The following GABRA1 variants were observed in gnomAD, a reference collection of about 807,000 sequenced individuals.
GABRA1 encodes the protein gamma-aminobutyric acid type A receptor subunit alpha1.
In GABRA1, 9 loss-of-function variants were observed where a neutral mutation model predicts 48.9. The ratio of observed to expected loss-of-function variants is 0.18; its 90% CI spans 0.11 to 0.32. The LOEUF is 0.32. Among genes scored for constraint, GABRA1 ranks in the 10% least tolerant of loss-of-function variants. The pLI is 1.00. For synonymous variants in GABRA1, 210 were observed against 198.7 expected, an observed-to-expected ratio of 1.06 and a Z score of -0.48; for missense variants, 285 against 553.8, an observed-to-expected ratio of 0.51 and a Z score of 4.87.
chr5:161,897,540 AT>A lies in GABRA1; in HGVS notation c.*122del. The A allele has an allele frequency of 9.9e-7, 1 of 1,012,918 alleles. No homozygotes were observed. Among genetic ancestry groups the A allele is most frequent in the Non-Finnish European group, 1.5e-6 (1 of 670,918 alleles). 62.7% of individuals were successfully genotyped at this position (1,012,918 alleles called of 1,614,324 possible). A position where few individuals can be genotyped will look rare whatever the true frequency, so the allele number is the denominator to read the frequency against. On this transcript the variant is annotated 3_prime_UTR_variant, in exon 10 of 10. Coordinates refer to ENST00000393943, the MANE Select transcript of GABRA1 (RefSeq NM_001127644.2). The stretch of plus-strand genomic sequence containing the variant: ...TCTTAAAGAATTTGAAAGTTTCCTT[AT>A]TTTCATAATTCATTTAAGAACAAGA...
intron 3 of GABRA1, among the ~76,000 whole-genome samples, chr5:161,859,233 T>A (rs1388456683): frequency 1.3e-5 from 2 of 151,812 alleles, no homozygotes; most frequent in East Asian, 3.9e-4. Context: ...AAATCATTTA[T>A]GCCTCAGAGC....
chr5:161,895,240 A>AC, intron 8 of GABRA1, among the ~76,000 whole-genome samples: 1 of 152,238 alleles, frequency 6.6e-6, no homozygotes, highest in African/African-American at 2.4e-5. Context: ...TGGTTTACAT[A>AC]TTTGGGGTAC....
intron 3 of GABRA1, among the ~76,000 whole-genome samples, chr5:161,855,151 A>G (rs1757602161): frequency 6.6e-6 from 1 of 151,632 alleles, no homozygotes; most frequent in Admixed American, 6.6e-5. Context: ...ATTTAATAGC[A>G]ATATTTAAAT....
rs527952081 is a variant in GABRA1 at position 161,851,697 on chromosome 5, G to T, written c.74+813G>T. On this transcript the variant is annotated intron_variant, in intron 2 of 9. Coordinates refer to ENST00000393943, the MANE Select transcript of GABRA1 (RefSeq NM_001127644.2). ...GGGAACTCTTAAGAGTTAAGATAGG[G>T]AGATGGAATAGTCTGGAAAGACATA... is the stretch of plus-strand genomic sequence containing the variant. 2.6e-5 allele frequency among the ~76,000 whole-genome samples: 4 copies of T among 151,556 alleles called. No individual in the cohort carries two copies. The East Asian group carries it at 7.7e-4, about 29-fold the overall frequency.
In GABRA1 at chr5:161,875,691, A is replaced by C. The variant is rs200878311; in HGVS notation, c.559+49A>C. 2.8e-5 allele frequency: 37 copies of C among 1,340,662 alleles called. No homozygotes were observed. In the African/African-American group the frequency reaches 5.0e-4, roughly 18 times the overall value. 83.0% of individuals were successfully genotyped at this position (1,340,662 alleles called of 1,614,324 possible). On this transcript the variant is annotated intron_variant, in intron 6 of 9. Coordinates refer to ENST00000393943, the MANE Select transcript of GABRA1 (RefSeq NM_001127644.2). ...TCTTGATTGTAAGTCATTAAGCAAG[A>C]GATCTCTAGCTATATCTGTGAGAAA...
intron 1 of GABRA1, 86 bp from the exon 2 acceptor site, chr5:161,850,710 C>T: frequency 9.4e-7 from 1 of 1,064,198 alleles, no homozygotes; most frequent in South Asian, 1.3e-5. Context: ...TCAAAGCATT[C>T]ATCTAAACTG....
At chr5:161,876,642 G>A (rs1001066711) in intron 6 of GABRA1, among the ~76,000 whole-genome samples, 4 of 152,112 alleles carry the variant, frequency 2.6e-5, no homozygotes, top group East Asian at 1.9e-4. Context: ...ACTGAAACTC[G>A]AAGATAAACT....
At chr5:161,892,641 T>C (rs546740129) in intron 8 of GABRA1, among the ~76,000 whole-genome samples, 1 of 152,122 alleles carries the variant, frequency 6.6e-6, no homozygotes, top group East Asian at 1.9e-4. Flanking sequence ...TATATCTGTA[T>C]GAGTATGCCT....
At chr5:161,869,488 C>G (rs904140354) in intron 4 of GABRA1, among the ~76,000 whole-genome samples, 1 of 152,164 alleles carries the variant, frequency 6.6e-6, no homozygotes, top group Non-Finnish European at 1.5e-5. Context: ...AATTCTCTAA[C>G]TTTATTTTAA....
chr5:161,889,930 G>A (rs956693790), intron 7 of GABRA1, among the ~76,000 whole-genome samples: 2 of 151,916 alleles, frequency 1.3e-5, no homozygotes, highest in Non-Finnish European at 1.5e-5. Flanking sequence ...TGGCAGAATC[G>A]CACATGTGAA....
chr5:161,895,395 A>G (rs929310171), intron 8 of GABRA1, among the ~76,000 whole-genome samples: 1 of 152,156 alleles, frequency 6.6e-6, no homozygotes, highest in African/African-American at 2.4e-5. Flanking sequence ...CAAAGCGCCA[A>G]TTTAAAGGAG....
chr5:161,866,073 C>T lies in GABRA1; in HGVS notation c.255+285C>T, dbSNP rs56873080. Among the ~76,000 whole-genome samples, 21,895 of 151,868 alleles carry T rather than the reference C, an allele frequency of 0.14. 1,861 individuals carry two copies. The highest frequency in any genetic ancestry group is 0.28 in the East Asian group (1,417 of 5,148). On this transcript the variant is annotated intron_variant, in intron 4 of 9. Transcript: ENST00000393943. ...TTGCCTTGGTTAATACCCCACAAGC[C>T]ATACAGTATGAGTTATGTTTCATTT... is the stretch of plus-strand genomic sequence containing the variant.
At chr5:161,896,129 G>C (rs1431553756) in intron 9 of GABRA1, among the ~76,000 whole-genome samples, 1 of 152,088 alleles carries the variant, frequency 6.6e-6, no homozygotes, top group Non-Finnish European at 1.5e-5. Context: ...GCTTTCCTGT[G>C]GTTTCTATTG....
At chr5:161,891,978 A>G (rs1293114851) in intron 8 of GABRA1, among the ~76,000 whole-genome samples, 1 of 152,242 alleles carries the variant, frequency 6.6e-6, no homozygotes, top group Non-Finnish European at 1.5e-5. Context: ...CATTTTTAAA[A>G]GTGAAATCTA....
Position 161,897,573 on chromosome 5 carries a change from T to C in GABRA1, c.*151T>C, listed in dbSNP as rs879166854. 3 of 772,888 alleles carry C rather than the reference T, an allele frequency of 3.9e-6. No individual in the cohort carries two copies. In the East Asian group the frequency reaches 8.0e-5, roughly 21 times the overall value. The allele number at this position is 772,888 out of a possible 1,614,324, so 47.9% of individuals were successfully genotyped here. A position where few individuals can be genotyped will look rare whatever the true frequency, so the allele number is the denominator to read the frequency against. On this transcript the variant is annotated 3_prime_UTR_variant, in exon 10 of 10. Transcript: ENST00000393943. ...AATTCATTTAAGAACAAGAGACCCC[T>C]GTCTGGCAGTCTGGAGCAAAGCAGA...
At chr5:161,854,604 C>A (rs1757576672) in intron 3 of GABRA1, among the ~76,000 whole-genome samples, 1 of 151,608 alleles carries the variant, frequency 6.6e-6, no homozygotes, top group African/African-American at 2.4e-5. Context: ...GCTATCTCAC[C>A]TGGTACTGGT....
At chr5:161,896,361 C>CAT (rs1755368844) in intron 9 of GABRA1, among the ~76,000 whole-genome samples, 1 of 152,172 alleles carries the variant, frequency 6.6e-6, no homozygotes. Context: ...AGGGCAGGCA[C>CAT]ATTTTCTCTT....
At chr5:161,854,035 A>G (rs112500442) in intron 2 of GABRA1, 123 bp from the exon 3 acceptor site, 2 of 537,208 alleles carry the variant, frequency 3.7e-6, no homozygotes, top group African/African-American at 1.9e-5. Context: ...TTGTGAAAAA[A>G]TAATTTTCAA....
intron 5 of GABRA1, among the ~76,000 whole-genome samples, chr5:161,874,266 CAAAAG>C (rs1337664647): frequency 6.6e-6 from 1 of 151,814 alleles, no homozygotes; most frequent in African/African-American, 2.4e-5. Flanking sequence ...TGCAAACATC[CAAAAG>C]AAAAGAAAAG....
Sources: allele counts gnomAD v4.1 joint callset (sites outside exome capture counted in the v4.1 genomes callset), GRCh38; gene constraint gnomAD v4.1.1; transcripts MANE v1.5; gene names NCBI Gene and HGNC (gene_info 2026-07-23, HGNC 2026-07-21).